Variants in ACOT7 observed in about 807,000 individuals in gnomAD.
ACOT7 encodes the protein acyl-CoA thioesterase 7.
Under a neutral mutation model 40.2 loss-of-function variants are expected in ACOT7, and 12 were observed. The observed-to-expected ratio is 0.30, with a 90% CI of 0.19 to 0.48. ACOT7 has a LOEUF of 0.48. ACOT7 is among the 20% of genes least tolerant of loss of function. ACOT7 has a pLI of 0.99. For missense variants in ACOT7, 395 were observed against 530.8 expected, an observed-to-expected ratio of 0.74 and a Z score of 2.51; for synonymous variants, 228 against 219.5, an observed-to-expected ratio of 1.04 and a Z score of -0.34.
chr1:6,364,461 A>C (rs1271333353), intron 1 of ACOT7, among the ~76,000 whole-genome samples: 1 of 151,608 alleles, frequency 6.6e-6, no homozygotes, highest in Non-Finnish European at 1.5e-5. Context: ...GAATCCCTTG[A>C]AGCCGGGAGG....
intron 6 of ACOT7, among the ~76,000 whole-genome samples, chr1:6,308,955 A>G (rs1005204057): frequency 6.6e-6 from 1 of 152,256 alleles, no homozygotes; most frequent in African/African-American, 2.4e-5. Context: ...GACTGAAGAT[A>G]GCACAGAATA....
At chr1:6,305,612 C>T (rs1640123634) in intron 6 of ACOT7, among the ~76,000 whole-genome samples, 1 of 151,560 alleles carries the variant, frequency 6.6e-6, no homozygotes, top group Non-Finnish European at 1.5e-5. Context: ...CAGAGGCGCT[C>T]CCCACATCTC....
chr1:6,268,328 G>A (rs563347713), intron 8 of ACOT7, among the ~76,000 whole-genome samples: 1 of 152,258 alleles, frequency 6.6e-6, no homozygotes, highest in South Asian at 2.1e-4. Flanking sequence ...GCATAAGACT[G>A]GCCCTGAGCT....
Position 6,352,596 on chromosome 1 carries a change from T to C in ACOT7, c.144-2730A>G, listed in dbSNP as rs1164936042. ...CTGGAGACTTCGTTTTCCCATTTCTTTTTTTTTTTTTTTGAGACGGCGTCT... is the reference window on the plus strand; with the variant it reads ...CTGGAGACTTCGTTTTCCCATTTCTCTTTTTTTTTTTTTGAGACGGCGTCT... On this transcript the variant is annotated intron_variant, in intron 1 of 8. Transcript: ENST00000361521. The surrounding 1 kb of genome is among the most constrained non-coding windows in gnomAD (Gnocchi z 4.5). Among the ~76,000 whole-genome samples, 1 of 148,208 alleles carries C rather than the reference T, an allele frequency of 6.7e-6. No individual in the cohort carries two copies. The highest frequency in any genetic ancestry group is 1.5e-5 in the Non-Finnish European group (1 of 66,530).
At position 6,330,516 on chromosome 1, in the gene ACOT7, A is replaced by G. The variant is rs1407995224; in HGVS notation, c.510+2961T>C. On this transcript the variant is annotated intron_variant, in intron 4 of 8. Coordinates refer to ENST00000361521, the MANE Select transcript of ACOT7 (RefSeq NM_007274.4). The surrounding 1 kb of genome is among the most constrained non-coding windows in gnomAD (Gnocchi z 4.6). Reference sequence around the variant, plus strand: ...GGCTCCGGCTGCCTCGGAGCCATGGAATGGTTTCAACAACTCCTCGACAAG... The same window carrying G: ...GGCTCCGGCTGCCTCGGAGCCATGGGATGGTTTCAACAACTCCTCGACAAG... 6.6e-6 allele frequency among the ~76,000 whole-genome samples: 1 copy of G among 152,156 alleles called. No homozygotes were observed. Among genetic ancestry groups the G allele is most frequent in the East Asian group, 1.9e-4 (1 of 5,194 alleles).
At chr1:6,279,775 C>T (rs1038489477) in intron 8 of ACOT7, among the ~76,000 whole-genome samples, 6 of 152,134 alleles carry the variant, frequency 3.9e-5, no homozygotes, top group African/African-American at 1.4e-4. Flanking sequence ...CCACACCTGG[C>T]GCTACCACCA....
chr1:6,390,158 A>G (rs1406895509), intron 1 of ACOT7, among the ~76,000 whole-genome samples: 1 of 150,240 alleles, frequency 6.7e-6, no homozygotes, highest in Non-Finnish European at 1.5e-5. Context: ...CCCTACCACC[A>G]CTCCCGCCTA....
At chr1:6,266,039 G>A (rs985193685) in intron 8 of ACOT7, among the ~76,000 whole-genome samples, 4 of 152,178 alleles carry the variant, frequency 2.6e-5, no homozygotes, top group Non-Finnish European at 5.9e-5. Context: ...GAATCTTCGG[G>A]TATTTAAAGA....
At chr1:6,375,628 A>G (rs903499893) in intron 1 of ACOT7, among the ~76,000 whole-genome samples, 2 of 151,870 alleles carry the variant, frequency 1.3e-5, no homozygotes, top group African/African-American at 4.8e-5. Flanking sequence ...ACATAGGGAG[A>G]CCCTGTCTCT....
In ACOT7 at chr1:6,359,846, C is replaced by A. The variant is rs1006251169; in HGVS notation, c.144-9980G>T. 2.0e-5 allele frequency among the ~76,000 whole-genome samples: 3 copies of A among 152,322 alleles called. No homozygotes were observed. The highest frequency in any genetic ancestry group is 2.0e-4 in the Admixed American group (3 of 15,302). On this transcript the variant is annotated intron_variant, in intron 1 of 8. Coordinates refer to ENST00000361521, the MANE Select transcript of ACOT7 (RefSeq NM_007274.4). This position sits in a 1 kb window ranked among gnomAD's most constrained non-coding sequence, Gnocchi z 4.1. ...ACAGCCTCAACCAGGCTGCACCCGC[C>A]GGCCTCTGGGCAAGTTTCACATGTT...
chr1:6,271,099 G>A (rs1482189445), intron 8 of ACOT7, among the ~76,000 whole-genome samples: 1 of 152,196 alleles, frequency 6.6e-6, no homozygotes, highest in Non-Finnish European at 1.5e-5. Flanking sequence ...AGTGCTTCCT[G>A]CCACTGCTGT....
chr1:6,384,579 G>A (rs932070361), intron 1 of ACOT7, among the ~76,000 whole-genome samples: 9 of 151,870 alleles, frequency 5.9e-5, no homozygotes, highest in South Asian at 2.1e-4. Context: ...CCAACTCTCC[G>A]ACACTAGGTG....
At chr1:6,281,369 G>T in intron 7 of ACOT7, 83 bp from the exon 8 acceptor site, 1 of 1,258,112 alleles carries the variant, frequency 7.9e-7, no homozygotes, top group Non-Finnish European at 1.1e-6. Context: ...TGGTCAGCAG[G>T]CAGACACTTG....
chr1:6,336,932 T>C (rs1481658654), intron 3 of ACOT7, among the ~76,000 whole-genome samples: 1 of 152,122 alleles, frequency 6.6e-6, no homozygotes, highest in African/African-American at 2.4e-5. Flanking sequence ...AACAGCGGGC[T>C]CCGGGGCCTG....
chr1:6,304,393 CTTTTTTTTT>C (rs765262733), intron 6 of ACOT7, among the ~76,000 whole-genome samples: 4 of 111,078 alleles, frequency 3.6e-5, no homozygotes, highest in African/African-American at 1.1e-4. Flanking sequence ...AAAGTACGTT[CTTTTTTTTT>C]TTTTTTTTTT....
chr1:6,358,128 C>T lies in ACOT7; in HGVS notation c.144-8262G>A, dbSNP rs963905188. ...AGTTGATCCACCTGCCTCGGCCTCCCAAAGTGCTGAGATTACAGGCGTGAG... is the reference window on the plus strand; with the variant it reads ...AGTTGATCCACCTGCCTCGGCCTCCTAAAGTGCTGAGATTACAGGCGTGAG... On this transcript the variant is annotated intron_variant, in intron 1 of 8. Coordinates refer to ENST00000361521, the MANE Select transcript of ACOT7 (RefSeq NM_007274.4). The surrounding 1 kb of genome is among the most constrained non-coding windows in gnomAD (Gnocchi z 4.1). Among the ~76,000 whole-genome samples, 2 of 152,060 alleles carry T rather than the reference C, an allele frequency of 1.3e-5. No individual in the cohort carries two copies. The highest frequency in any genetic ancestry group is 4.8e-5 in the African/African-American group (2 of 41,406).
At chr1:6,332,849 A>AAAAGAAAG (rs137954170) in intron 4 of ACOT7, among the ~76,000 whole-genome samples, 2 of 151,958 alleles carry the variant, frequency 1.3e-5, no homozygotes, top group African/African-American at 4.8e-5. Flanking sequence ...AAAAAAAACA[A>AAAAGAAAG]AAAGAAAGAA....
At chr1:6,348,585 C>A (rs1303298829) in intron 2 of ACOT7, among the ~76,000 whole-genome samples, 1 of 152,200 alleles carries the variant, frequency 6.6e-6, no homozygotes, top group African/African-American at 2.4e-5. Flanking sequence ...CTGAGAGAGC[C>A]ACTCCTACCA....
rs1639166089 is a variant in ACOT7, at chr1:6,275,654, T to C, written c.1014+5448A>G. On this transcript the variant is annotated intron_variant, in intron 8 of 8. Transcript: ENST00000361521. This position sits in a 1 kb window ranked among gnomAD's most constrained non-coding sequence, Gnocchi z 5.6. Reference sequence around the variant, plus strand: ...ATCGTTTGAACCCGGGAGGCAGCGGTTGCAGTGAGCCGAGATCCAGCCATT... The same window carrying C: ...ATCGTTTGAACCCGGGAGGCAGCGGCTGCAGTGAGCCGAGATCCAGCCATT... Among the ~76,000 whole-genome samples, 1 of 148,256 alleles carries C rather than the reference T, an allele frequency of 6.7e-6. No individual in the cohort carries two copies. Among genetic ancestry groups the C allele is most frequent in the South Asian group, 2.1e-4 (1 of 4,732 alleles).
Sources: gnomAD v4.1 joint callset for allele counts (sites outside exome capture counted in the v4.1 genomes callset) on GRCh38, gnomAD v4.1.1 for gene constraint, Gnocchi (gnomAD v3.1) non-coding constraint, MANE v1.5 for transcripts, NCBI Gene and HGNC (gene_info 2026-07-23, HGNC 2026-07-21) for gene names.